EYS: variants seen among roughly 807,000 people sequenced by gnomAD.
The protein encoded by EYS is protein eyes shut homolog.
A neutral mutation model predicts 282.1 loss-of-function variants in EYS; 250 were observed. The ratio of observed to expected loss-of-function variants is 0.89; its 90% CI spans 0.80 to 0.98. EYS has a LOEUF of 0.98. Among genes scored for constraint, EYS ranks in the 50% least tolerant of loss-of-function variants. The pLI is 0.00. For synonymous variants in EYS, 1,355 were observed against 1,282.9 expected (o/e 1.06, Z -1.20); for missense variants, 4,016 against 3,709.0 (o/e 1.08, Z -2.15).
intron 29 of EYS, among the ~76,000 whole-genome samples, chr6:64,358,039 G>C (rs1267888258): frequency 6.6e-6 from 1 of 151,628 alleles, no homozygotes; most frequent in East Asian, 2.0e-4. Context: ...ATGTCTTTTG[G>C]TGACTAAAAT....
chr6:65,148,485 A>C, intron 12 of EYS, among the ~76,000 whole-genome samples: 1 of 152,148 alleles, frequency 6.6e-6, no homozygotes, highest in East Asian at 1.9e-4. Flanking sequence ...GGCCTTGGGC[A>C]GCTCTACTTC....
At chr6:64,013,698 C>T (rs1468616679) in intron 33 of EYS, among the ~76,000 whole-genome samples, 2 of 151,936 alleles carry the variant, frequency 1.3e-5, no homozygotes, top group East Asian at 1.9e-4. Context: ...TCTTAAAAAC[C>T]AGTATGCCAC....
At chr6:63,894,286 T>C (rs1773478234) in intron 35 of EYS, among the ~76,000 whole-genome samples, 1 of 151,978 alleles carries the variant, frequency 6.6e-6, no homozygotes, top group Non-Finnish European at 1.5e-5. Flanking sequence ...CCATCCTGGA[T>C]TAGGGTGGGT....
At chr6:64,654,143 C>T (rs974645169) in intron 22 of EYS, among the ~76,000 whole-genome samples, 3 of 151,974 alleles carry the variant, frequency 2.0e-5, no homozygotes, top group Non-Finnish European at 4.4e-5. Flanking sequence ...TAGAAACAGA[C>T]ATTATTGGAA....
At chr6:64,701,872 A>G (rs769135478) in intron 22 of EYS, among the ~76,000 whole-genome samples, 13 of 152,072 alleles carry the variant, frequency 8.5e-5, no homozygotes, top group Non-Finnish European at 1.9e-4. Context: ...AAACTCAAAA[A>G]TTAAAAGAGC....
At chr6:64,866,135 A>G (rs9354174) in intron 19 of EYS, among the ~76,000 whole-genome samples, 23,591 of 151,920 alleles carry the variant, frequency 0.16, 2,159 homozygotes, top group East Asian at 0.49. Flanking sequence ...CTTAAACTGT[A>G]TCATCCATTC....
chr6:65,487,076 T>G (rs1353390458), intron 5 of EYS, among the ~76,000 whole-genome samples: 1 of 152,190 alleles, frequency 6.6e-6, no homozygotes, highest in African/African-American at 2.4e-5. Context: ...GATTTTGGGC[T>G]CAGACAATGG....
intron 35 of EYS, among the ~76,000 whole-genome samples, chr6:63,927,042 T>C (rs114488570): frequency 0.014 from 2,086 of 152,278 alleles, 16 homozygotes; most frequent in Non-Finnish European, 0.022. Context: ...TTTCTGTGAA[T>C]TGGATGAAGA....
In EYS at chr6:65,313,920, C is replaced by T. The variant is rs141712768; in HGVS notation, c.1767-17801G>A. Among the ~76,000 whole-genome samples, 1,284 of 152,280 alleles carry T rather than the reference C, an allele frequency of 8.4e-3. 19 individuals carry two copies. The highest frequency in any genetic ancestry group is 0.029 in the African/African-American group (1,218 of 41,556). ...AATAAAAGCCCAAGTCCTATAATGGCCTGCAAGGTGGTATCTGATCAGACC... is the reference window on the plus strand; with the variant it reads ...AATAAAAGCCCAAGTCCTATAATGGTCTGCAAGGTGGTATCTGATCAGACC... On this transcript the variant is annotated intron_variant, in intron 11 of 42. Coordinates refer to ENST00000503581, the MANE Select transcript of EYS (RefSeq NM_001142800.2).
chr6:65,280,550 C>T (rs1376777013), intron 12 of EYS, among the ~76,000 whole-genome samples: 1 of 151,964 alleles, frequency 6.6e-6, no homozygotes, highest in East Asian at 1.9e-4. Flanking sequence ...TCATAAATAT[C>T]TGTAGCTGTA....
chr6:65,661,379 G>C (rs956003514), intron 1 of EYS, among the ~76,000 whole-genome samples: 1 of 151,942 alleles, frequency 6.6e-6, no homozygotes, highest in African/African-American at 2.4e-5. Context: ...TACATATCTT[G>C]AGGGAACTGA....
rs114467208 is a variant in EYS at position 65,050,664 on chromosome 6, C to T, written c.2137+6950G>A. On this transcript the variant is annotated intron_variant, in intron 13 of 42. Coordinates refer to ENST00000503581, the MANE Select transcript of EYS (RefSeq NM_001142800.2). ...TTAGTATAGCTGTAGATTGAGTAGACTGGAGCATTTAATTACAGCATCTGT... is the reference window on the plus strand; with the variant it reads ...TTAGTATAGCTGTAGATTGAGTAGATTGGAGCATTTAATTACAGCATCTGT... Among the ~76,000 whole-genome samples, 1,078 of 151,694 alleles carry T rather than the reference C, an allele frequency of 7.1e-3. 9 individuals are homozygous for T. The highest frequency in any genetic ancestry group is 0.025 in the African/African-American group (1,027 of 41,486).
intron 31 of EYS, among the ~76,000 whole-genome samples, chr6:64,085,423 A>G (rs1040709975): frequency 6.6e-6 from 1 of 151,756 alleles, no homozygotes; most frequent in African/African-American, 2.4e-5. Flanking sequence ...CCATGGTGCT[A>G]CTTTCTAAGT....
intron 2 of EYS, among the ~76,000 whole-genome samples, chr6:65,574,680 TA>T (rs1764596188): frequency 6.6e-6 from 1 of 152,140 alleles, no homozygotes; most frequent in African/African-American, 2.4e-5. Context: ...GAGTCTTCAA[TA>T]CTCCACTTTC....
At chr6:63,776,149 T>G (rs951228017) in intron 40 of EYS, among the ~76,000 whole-genome samples, 1 of 152,176 alleles carries the variant, frequency 6.6e-6, no homozygotes, top group Admixed American at 6.5e-5. Flanking sequence ...CACGGCAATC[T>G]ATGAAATCCC....
chr6:64,604,280 T>A (rs1766856689), intron 24 of EYS, among the ~76,000 whole-genome samples: 1 of 152,040 alleles, frequency 6.6e-6, no homozygotes, highest in Non-Finnish European at 1.5e-5. Flanking sequence ...TTCTGTCTGA[T>A]AACCTAACAA....
At chr6:65,197,566 A>T (rs921457654) in intron 12 of EYS, among the ~76,000 whole-genome samples, 8 of 152,100 alleles carry the variant, frequency 5.3e-5, no homozygotes, top group Non-Finnish European at 1.0e-4. Flanking sequence ...TTAGATATAT[A>T]GTCATATGTC....
chr6:64,119,323 A>C (rs1003763480), intron 31 of EYS, among the ~76,000 whole-genome samples: 7 of 152,176 alleles, frequency 4.6e-5, no homozygotes, highest in African/African-American at 1.7e-4. Context: ...AACACATTTG[A>C]AATAATTTTG....
intron 34 of EYS, among the ~76,000 whole-genome samples, chr6:63,988,688 A>C (rs1767477812): frequency 6.6e-6 from 1 of 151,630 alleles, no homozygotes; most frequent in Non-Finnish European, 1.5e-5. Context: ...ATAAAATCTG[A>C]CATCAAGATA....
Sources: allele counts gnomAD v4.1 joint callset (sites outside exome capture counted in the v4.1 genomes callset), GRCh38; gene constraint gnomAD v4.1.1; transcripts MANE v1.5; gene names NCBI Gene and HGNC (gene_info 2026-07-23, HGNC 2026-07-21).